Variants in LMBRD1 observed in about 807,000 individuals in gnomAD.
LMBRD1 encodes the protein lysosomal cobalamin transport escort protein LMBD1.
Under a neutral mutation model 74.8 loss-of-function variants are expected in LMBRD1, and 64 were observed. The ratio of observed to expected loss-of-function variants is 0.86; its 90% CI spans 0.70 to 1.05. The LOEUF is 1.05. Ranked by LOEUF, LMBRD1 falls within the 50% of genes least tolerant of loss-of-function variation. The pLI, the probability that LMBRD1 is intolerant of heterozygous loss-of-function variation, is 0.00. For synonymous variants in LMBRD1, 204 were observed against 216.3 expected, an observed-to-expected ratio of 0.94 and a Z score of 0.50; for missense variants, 652 against 645.9, an observed-to-expected ratio of 1.01 and a Z score of -0.10.
intron 3 of LMBRD1, among the ~76,000 whole-genome samples, chr6:69,756,451 G>A (rs1038706116): frequency 6.6e-6 from 1 of 151,848 alleles, no homozygotes; most frequent in Non-Finnish European, 1.5e-5. Flanking sequence ...TCAGGAAAAT[G>A]CAAAGTAAAT....
Position 69,752,316 on chromosome 6 carries a change from G to T in LMBRD1, c.348C>A (p.Ile116=), listed in dbSNP as rs145911176. 6.2e-7 allele frequency: 1 copy of T among 1,610,196 alleles called. No individual in the cohort carries two copies. The highest frequency in any genetic ancestry group is 2.2e-5 in the East Asian group (1 of 44,638). The change falls in exon 4 of 16, where the codon ATC becomes ATA. Residue 116 remains isoleucine, a synonymous_variant. Transcript: ENST00000649934. ...CTTCATAATAGAAGTAGACAAAAGG[G>T]ATCCAGAAGAACACACAGAACAATA... ...SVILFCVFFW[I]PFVYFYYEEK... is the part of the protein sequence containing the mutation.
intron 2 of LMBRD1, among the ~76,000 whole-genome samples, chr6:69,784,646 T>C (rs1327072647): frequency 6.6e-6 from 1 of 152,210 alleles, no homozygotes; most frequent in Non-Finnish European, 1.5e-5. Context: ...TAGAGGTCTC[T>C]AAAATAATTT....
intron 8 of LMBRD1, among the ~76,000 whole-genome samples, chr6:69,716,252 T>C (rs897180185): frequency 6.6e-6 from 1 of 152,188 alleles, no homozygotes; most frequent in African/African-American, 2.4e-5. Context: ...TTAAGCCTTC[T>C]CTTTTCTCAG....
rs1055354612 is a variant in LMBRD1, at chr6:69,752,278, T to A, written c.386A>T (p.Asp129Val). The change falls in exon 4 of 16, where the codon GAT becomes GTT. Residue 129 changes from aspartate to valine, a missense_variant. Around this residue, in one of 3 missense-constraint regions of LMBRD1, gnomAD observed 598 missense variants for 581.8 expected, o/e 1.03. Coordinates refer to ENST00000649934, the MANE Select transcript of LMBRD1 (RefSeq NM_018368.4). The part of the protein sequence containing the change: ...VYFYYEEKDD[D>V]DTSKCTQIKT... The stretch of plus-strand genomic sequence containing the variant: ...ACTTACAGTACATTTACTAGTATCA[T>A]CATCATCCTTTTCTTCATAATAGAA... 1.9e-6 allele frequency: 3 copies of A among 1,610,342 alleles called. No individual in the cohort carries two copies. The highest frequency in any genetic ancestry group is 1.3e-5 in the African/African-American group (1 of 74,842).
At chr6:69,737,530 G>A (rs1767001914) in intron 7 of LMBRD1, among the ~76,000 whole-genome samples, 1 of 151,236 alleles carries the variant, frequency 6.6e-6, no homozygotes, top group African/African-American at 2.4e-5. Context: ...ATGGTCTATG[G>A]TTCAGAGTTC....
rs1156431316 is a variant in LMBRD1, at chr6:69,675,212, C to T, written c.*946G>A. Among the ~76,000 whole-genome samples the T allele has an allele frequency of 6.6e-6, 1 of 151,918 alleles. No homozygotes were observed. The highest frequency in any genetic ancestry group is 1.5e-5 in the Non-Finnish European group (1 of 67,978). ...TCAGAAACTTAATGATATTTTACCT[C>T]AAGGATCATGATATATACTTTTTTA... On this transcript the variant is annotated 3_prime_UTR_variant, in exon 16 of 16. Transcript: ENST00000649934.
chr6:69,704,824 C>T (rs1766213765), intron 9 of LMBRD1, among the ~76,000 whole-genome samples: 1 of 151,890 alleles, frequency 6.6e-6, no homozygotes, highest in Admixed American at 6.6e-5. Context: ...CTTCTCCCTA[C>T]CTCACTGCTT....
intron 2 of LMBRD1, 75 bp from the exon 3 acceptor site, chr6:69,780,629 C>T (rs929923424): frequency 7.0e-5 from 76 of 1,080,288 alleles, no homozygotes; most frequent in Admixed American, 3.4e-4. Flanking sequence ...AGTTTTAATA[C>T]GACTGAATAT....
At chr6:69,738,598 A>G (rs891713097) in intron 6 of LMBRD1, among the ~76,000 whole-genome samples, 1 of 137,472 alleles carries the variant, frequency 7.3e-6, no homozygotes, top group African/African-American at 3.4e-5. Flanking sequence ...AGGTTTAAAA[A>G]TACACACACA....
At chr6:69,786,842 T>C (rs957595175) in intron 2 of LMBRD1, among the ~76,000 whole-genome samples, 3 of 152,132 alleles carry the variant, frequency 2.0e-5, no homozygotes, top group African/African-American at 2.4e-5. Flanking sequence ...TTAAGAAAAA[T>C]GTTAGCAATC....
intron 2 of LMBRD1, among the ~76,000 whole-genome samples, chr6:69,782,172 A>ATAT (rs1765845387): frequency 6.6e-6 from 1 of 152,214 alleles, no homozygotes. Context: ...ATTAGGATGG[A>ATAT]TATTAGTACA....
chr6:69,677,649 GA>G (rs1190451750), intron 14 of LMBRD1, among the ~76,000 whole-genome samples: 1 of 152,088 alleles, frequency 6.6e-6, no homozygotes, highest in African/African-American at 2.4e-5. Flanking sequence ...ACTTTTCTAA[GA>G]AACCAATTCT....
At chr6:69,717,108 A>C (rs993115035) in intron 8 of LMBRD1, among the ~76,000 whole-genome samples, 6 of 151,984 alleles carry the variant, frequency 3.9e-5, no homozygotes, top group African/African-American at 1.4e-4. Context: ...ATTATTTTAC[A>C]GTTTGTGGCT....
intron 2 of LMBRD1, among the ~76,000 whole-genome samples, chr6:69,785,444 G>A (rs1464624128): frequency 6.6e-6 from 1 of 152,102 alleles, no homozygotes; most frequent in Non-Finnish European, 1.5e-5. Flanking sequence ...AGATAGTACA[G>A]TACACACTTT....
intron 2 of LMBRD1, among the ~76,000 whole-genome samples, chr6:69,783,096 C>A (rs1765873107): frequency 2.6e-5 from 4 of 152,046 alleles, no homozygotes; most frequent in Admixed American, 2.6e-4. Flanking sequence ...GAACAAATCA[C>A]AACCAAAAGT....
intron 9 of LMBRD1, among the ~76,000 whole-genome samples, chr6:69,713,267 C>T (rs529735916): frequency 6.6e-6 from 1 of 151,970 alleles, no homozygotes; most frequent in Non-Finnish European, 1.5e-5. Flanking sequence ...TACACAAAAA[C>T]CAAATCAAAA....
intron 1 of LMBRD1, among the ~76,000 whole-genome samples, chr6:69,790,920 T>A (rs187157299): frequency 1.3e-5 from 2 of 152,240 alleles, no homozygotes; most frequent in African/African-American, 4.8e-5. Flanking sequence ...AGTTCAAGAA[T>A]AGCATTGAGC....
chr6:69,700,963 G>A (rs963607617), intron 11 of LMBRD1, 94 bp from the exon 12 acceptor site: 7 of 871,894 alleles, frequency 8.0e-6, no homozygotes, highest in African/African-American at 3.5e-5. Context: ...ATTCTCATCC[G>A]GCAAATGTTT....
rs758640904 is a variant in LMBRD1 at position 69,697,586 on chromosome 6, C to T, written c.1394G>A (p.Arg465Lys). 1 of 1,607,424 alleles carries T rather than the reference C, an allele frequency of 6.2e-7. No individual in the cohort carries two copies. Among genetic ancestry groups the T allele is most frequent in the East Asian group, 2.2e-5 (1 of 44,724 alleles). Residue 465 changes from arginine (R) to lysine (K), a missense_variant, in exon 14 of 16, where the codon AGA (arginine) becomes AAA (lysine). By Grantham distance (26) the Arg-to-Lys change is conservative. Around this residue, in one of 3 missense-constraint regions of LMBRD1, gnomAD observed 598 missense variants for 581.8 expected, o/e 1.03. Coordinates refer to ENST00000649934, the MANE Select transcript of LMBRD1 (RefSeq NM_018368.4). ...KGNSTLSVPKRCDADAPEDQC... is the reference protein window; with the variant it reads ...KGNSTLSVPKKCDADAPEDQC... ...ACCTTCAGGAGCATCTGCATCACAT[C>T]TCTTTGGCACAGAAAGGGTTGAATT...
Sources: allele counts gnomAD v4.1 joint callset (sites outside exome capture counted in the v4.1 genomes callset), GRCh38; gene constraint gnomAD v4.1.1; regional missense constraint gnomAD v4.1.1; transcripts MANE v1.5; gene names NCBI Gene and HGNC (gene_info 2026-07-23, HGNC 2026-07-21).